The following PREX2 variants were observed in gnomAD, a reference collection of about 807,000 sequenced individuals.
The protein encoded by PREX2 is phosphatidylinositol-3,4,5-trisphosphate dependent Rac exchange factor 2, also known as phosphatidylinositol 3,4,5-trisphosphate-dependent Rac exchanger 2 protein.
Under a neutral mutation model 203.2 loss-of-function variants are expected in PREX2, and 107 were observed. That is an observed-to-expected ratio of 0.53 (90% CI 0.45 to 0.62). The LOEUF (loss-of-function observed/expected upper bound fraction) is 0.62, where lower values mean the gene tolerates loss of function less well. PREX2 is among the 20% of genes least tolerant of loss of function. The pLI, the probability that PREX2 is intolerant of heterozygous loss-of-function variation, is 0.00. For synonymous variants in PREX2, 672 were observed against 663.6 expected (o/e 1.01, Z -0.19); for missense variants, 1,777 against 1,955.9 (o/e 0.91, Z 1.72).
intron 37 of PREX2, among the ~76,000 whole-genome samples, chr8:68,204,759 A>G (rs1812580424): frequency 7.7e-6 from 1 of 129,700 alleles, no homozygotes; most frequent in Non-Finnish European, 1.5e-5. Flanking sequence ...ATCTCGGCTC[A>G]CTGCAAGCTC....
rs962262867 is a variant in PREX2, at chr8:68,228,853, G to A, written c.4776-2480G>A. ...CACCTACTCAGGAGACAGATGGAAG[G>A]ATAGCTTGAGCCTAGGAGGTTGAGG... On this transcript the variant is annotated intron_variant, in intron 39 of 39. Coordinates refer to ENST00000288368, the MANE Select transcript of PREX2 (RefSeq NM_024870.4). 2.7e-5 allele frequency among the ~76,000 whole-genome samples: 4 copies of A among 148,800 alleles called. No homozygotes were observed. In the South Asian group the frequency reaches 8.5e-4, roughly 32 times the overall value.
intron 35 of PREX2, among the ~76,000 whole-genome samples, chr8:68,167,960 C>G (rs776136114): frequency 1.3e-5 from 2 of 152,130 alleles, no homozygotes; most frequent in Admixed American, 6.5e-5. Flanking sequence ...GCCCAGCAGC[C>G]TTTGTTTTAA....
intron 35 of PREX2, among the ~76,000 whole-genome samples, chr8:68,182,147 T>C (rs1812097129): frequency 6.6e-6 from 1 of 152,132 alleles, no homozygotes; most frequent in African/African-American, 2.4e-5. Context: ...AAGCTCAGCC[T>C]CTTATTGATT....
chr8:68,088,742 A>C (rs541440069), intron 19 of PREX2, among the ~76,000 whole-genome samples: 2 of 152,354 alleles, frequency 1.3e-5, no homozygotes, highest in East Asian at 3.9e-4. Flanking sequence ...AACTCATTAA[A>C]TATTGTCAAA....
Position 68,069,730 on chromosome 8 carries a change from A to T in PREX2, c.1444-105A>T, listed in dbSNP as rs528575467. 8.2e-4 allele frequency: 467 copies of T among 568,328 alleles called. 2 individuals carry two copies. Among genetic ancestry groups the T allele is most frequent in the Non-Finnish European group, 1.3e-3 (414 of 314,364 alleles). 35.2% of individuals were successfully genotyped at this position (568,328 alleles called of 1,614,324 possible). On this transcript the variant is annotated intron_variant, in intron 12 of 39. Coordinates refer to ENST00000288368, the MANE Select transcript of PREX2 (RefSeq NM_024870.4). ...TTTTTAAATTGGTTTAGATTTTGTGATGATTCTAAAATATTGACAGTGAAT... is the reference window on the plus strand; with the variant it reads ...TTTTTAAATTGGTTTAGATTTTGTGTTGATTCTAAAATATTGACAGTGAAT...
rs932479910 is a variant in PREX2 at position 68,116,967 on chromosome 8, G to A, written c.3326+1035G>A. 2.0e-5 allele frequency among the ~76,000 whole-genome samples: 3 copies of A among 152,074 alleles called. 1 individual carries two copies. The highest frequency in any genetic ancestry group is 7.2e-5 in the African/African-American group (3 of 41,382). On this transcript the variant is annotated intron_variant, in intron 26 of 39. Transcript: ENST00000288368. ...TCCATGTATCACCTGATACCTCACTGAGGACTGTCATAACCAGCCACATAA... is the reference window on the plus strand; with the variant it reads ...TCCATGTATCACCTGATACCTCACTAAGGACTGTCATAACCAGCCACATAA...
Position 68,017,869 on chromosome 8 carries a change from G to C in PREX2, c.165G>C (p.Gln55His). 6.2e-7 allele frequency: 1 copy of C among 1,612,910 alleles called. No individual in the cohort carries two copies. The change falls in exon 2 of 40, where the codon CAG (glutamine) becomes CAC (histidine). Residue 55 changes from glutamine to histidine, a missense_variant. Coordinates refer to ENST00000288368, the MANE Select transcript of PREX2 (RefSeq NM_024870.4). The stretch of plus-strand genomic sequence containing the variant: ...AGGCATTCTTACACAGAATGAACCA[G>C]TGTGCAGCATCAAAAGTTGACAAAA... Reference protein sequence around the residue: ...LVSAFLHRMNQCAASKVDKNV... With the variant: ...LVSAFLHRMNHCAASKVDKNV...
chr8:68,085,867 A>T (rs879193504), intron 18 of PREX2, among the ~76,000 whole-genome samples: 6 of 152,198 alleles, frequency 3.9e-5, no homozygotes, highest in Admixed American at 3.9e-4. Flanking sequence ...GGCCACTGTG[A>T]ATTACTCAAA....
intron 35 of PREX2, among the ~76,000 whole-genome samples, chr8:68,175,289 G>A (rs114806049): frequency 0.017 from 2,562 of 152,172 alleles, 62 homozygotes; most frequent in African/African-American, 0.057. Context: ...TGAAGTTGGG[G>A]GATTGAGGGG....
At chr8:68,092,001 G>A (rs1381110042) in intron 20 of PREX2, among the ~76,000 whole-genome samples, 1 of 152,144 alleles carries the variant, frequency 6.6e-6, no homozygotes, top group Non-Finnish European at 1.5e-5. Flanking sequence ...CCGTGGGGTG[G>A]TTCCTATGAG....
At chr8:68,023,939 C>G (rs534915690) in intron 4 of PREX2, among the ~76,000 whole-genome samples, 1 of 152,030 alleles carries the variant, frequency 6.6e-6, no homozygotes, top group East Asian at 1.9e-4. Context: ...TTCTTCTTTT[C>G]CATTGTGGAT....
At chr8:68,226,029 T>C (rs772283163) in intron 39 of PREX2, among the ~76,000 whole-genome samples, 39 of 152,254 alleles carry the variant, frequency 2.6e-4, no homozygotes, top group Middle Eastern at 3.4e-3. Context: ...CCAATGAATT[T>C]GCTTTTTTTT....
intron 22 of PREX2, among the ~76,000 whole-genome samples, chr8:68,098,384 G>A (rs1211550170): frequency 6.6e-6 from 1 of 152,098 alleles, no homozygotes; most frequent in African/African-American, 2.4e-5. Flanking sequence ...TATTTTAAAA[G>A]TAATTATTTT....
At chr8:68,093,788 C>T in intron 21 of PREX2, 66 bp downstream of exon 21, 2 of 805,018 alleles carry the variant, frequency 2.5e-6, no homozygotes, top group Non-Finnish European at 4.1e-6. Flanking sequence ...GTGCCTACTC[C>T]CAAATATTGA....
At chr8:68,163,296 G>A (rs1240750793) in intron 35 of PREX2, among the ~76,000 whole-genome samples, 1 of 152,160 alleles carries the variant, frequency 6.6e-6, no homozygotes, top group East Asian at 1.9e-4. Context: ...AATGGAAAAG[G>A]TTAAAGTTTA....
chr8:68,122,800 G>A (rs569163499), intron 30 of PREX2, among the ~76,000 whole-genome samples: 43 of 152,184 alleles, frequency 2.8e-4, no homozygotes, highest in African/African-American at 9.6e-4. Flanking sequence ...CAATATCCAT[G>A]TAATTGTATG....
At chr8:68,149,790 T>G (rs1392584031) in intron 34 of PREX2, among the ~76,000 whole-genome samples, 1 of 152,086 alleles carries the variant, frequency 6.6e-6, no homozygotes, top group Non-Finnish European at 1.5e-5. Context: ...ACCAGGATAT[T>G]TTAGAAGCTT....
intron 4 of PREX2, 63 bp downstream of exon 4, chr8:68,022,203 G>T: frequency 1.2e-6 from 1 of 829,570 alleles, no homozygotes. Context: ...TGAGAGCCAA[G>T]GAATAGCATC....
At chr8:68,026,806 A>C (rs952065337) in intron 4 of PREX2, among the ~76,000 whole-genome samples, 1 of 152,150 alleles carries the variant, frequency 6.6e-6, no homozygotes, top group Non-Finnish European at 1.5e-5. Flanking sequence ...GCAGAGCCTG[A>C]GTTAGAACCC....
Sources: gnomAD v4.1 joint callset for allele counts (sites outside exome capture counted in the v4.1 genomes callset) on GRCh38, gnomAD v4.1.1 for gene constraint, MANE v1.5 for transcripts, NCBI Gene and HGNC (gene_info 2026-07-23, HGNC 2026-07-21) for gene names.